The following TIAM1 variants were observed in gnomAD, a reference collection of about 807,000 sequenced individuals.
The protein encoded by TIAM1 is TIAM Rac1 associated GEF 1, also known as rho guanine nucleotide exchange factor TIAM1.
In TIAM1, 65 loss-of-function variants were observed where a neutral mutation model predicts 163.5. The observed-to-expected ratio is 0.40, with a 90% CI of 0.33 to 0.49. The LOEUF is 0.49. TIAM1 is among the 20% of genes least tolerant of loss of function. TIAM1 has a pLI of 0.77. For missense variants in TIAM1, 1,789 were observed against 2,044.7 expected, an observed-to-expected ratio of 0.87 and a Z score of 2.41; for synonymous variants, 833 against 810.1, an observed-to-expected ratio of 1.03 and a Z score of -0.48.
chr21:31,252,756 A>ACGGCTC (rs1442029973), intron 4 of TIAM1, among the ~76,000 whole-genome samples: 2 of 152,230 alleles, frequency 1.3e-5, no homozygotes, highest in Non-Finnish European at 2.9e-5. Flanking sequence ...CTCACCCAGC[A>ACGGCTC]CGGCTCCGTG....
At chr21:31,199,719 T>C (rs572193280) in intron 12 of TIAM1, among the ~76,000 whole-genome samples, 13 of 151,162 alleles carry the variant, frequency 8.6e-5, no homozygotes, top group South Asian at 8.4e-4. Flanking sequence ...TTAGTAGAGA[T>C]GGAGTTTCAG....
intron 19 of TIAM1, among the ~76,000 whole-genome samples, chr21:31,150,494 T>C (rs1055151942): frequency 2.0e-5 from 3 of 152,138 alleles, no homozygotes; most frequent in South Asian, 4.1e-4. Context: ...ACGACAGCCA[T>C]TGCAACAAAC....
chr21:31,435,857 G>A (rs976720128), intron 2 of TIAM1, among the ~76,000 whole-genome samples: 1 of 152,124 alleles, frequency 6.6e-6, no homozygotes, highest in African/African-American at 2.4e-5. Flanking sequence ...GCCCTTTCTT[G>A]TTCTCTCTCA....
At position 31,120,198 on chromosome 21, in the gene TIAM1, T is replaced by A; in HGVS notation, c.*170A>T. On this transcript the variant is annotated 3_prime_UTR_variant, in exon 28 of 28. Transcript: ENST00000541036. The surrounding 1 kb of genome is among the most constrained non-coding windows in gnomAD (Gnocchi z 4.2). ...TTCTGATCAATTCTTTCTGATGTTG[T>A]TGAAAATGACAAAGTTGGGTGGCTA... 1 of 605,140 alleles carries A rather than the reference T, an allele frequency of 1.7e-6. No individual in the cohort carries two copies. Among genetic ancestry groups the A allele is most frequent in the Non-Finnish European group, 2.8e-6 (1 of 351,210 alleles). 37.5% of individuals were successfully genotyped at this position (605,140 alleles called of 1,614,324 possible).
intron 2 of TIAM1, among the ~76,000 whole-genome samples, chr21:31,422,373 C>T (rs75099031): frequency 1.4e-3 from 208 of 152,222 alleles, no homozygotes; most frequent in African/African-American, 4.8e-3. Context: ...TTTTCTTGTT[C>T]CTCTGAGCAG....
Position 31,360,799 on chromosome 21 carries a change from G to T in TIAM1, c.-368-21377C>A, listed in dbSNP as rs2076394482. Among the ~76,000 whole-genome samples, 3 of 152,162 alleles carry T rather than the reference G, an allele frequency of 2.0e-5. No individual in the cohort carries two copies. The South Asian group carries it at 6.2e-4, about 32-fold the overall frequency. ...ATATTCCAATGACCAATAAACCTAT[G>T]AATAGGAGCTTGGCCATGCTGGTTT... On this transcript the variant is annotated intron_variant, in intron 2 of 28. Coordinates refer to the TIAM1 transcript ENST00000286827.
intron 2 of TIAM1, among the ~76,000 whole-genome samples, chr21:31,277,546 G>A (rs1006221718): frequency 6.6e-6 from 1 of 152,214 alleles, no homozygotes; most frequent in Non-Finnish European, 1.5e-5. Flanking sequence ...TCAGGAGGCT[G>A]TGGCGGGAGA....
chr21:31,409,671 C>G (rs2077311671), intron 2 of TIAM1, among the ~76,000 whole-genome samples: 1 of 152,186 alleles, frequency 6.6e-6, no homozygotes, highest in Admixed American at 6.5e-5. Context: ...ATGGCTTGTC[C>G]CCCAAGTTCT....
At chr21:31,557,269 T>C (rs1352246037) in intron 1 of TIAM1, among the ~76,000 whole-genome samples, 1 of 152,154 alleles carries the variant, frequency 6.6e-6, no homozygotes, top group African/African-American at 2.4e-5. Context: ...ATGCCTTTTA[T>C]AATAAAAAGA....
chr21:31,501,919 C>G (rs1396883245), intron 1 of TIAM1, among the ~76,000 whole-genome samples: 5 of 151,980 alleles, frequency 3.3e-5, no homozygotes, highest in Non-Finnish European at 7.4e-5. Context: ...GTGGTTTTTA[C>G]CAACAACAAA....
intron 2 of TIAM1, among the ~76,000 whole-genome samples, chr21:31,431,284 C>T (rs1234273376): frequency 6.6e-6 from 1 of 152,078 alleles, no homozygotes; most frequent in Non-Finnish European, 1.5e-5. Context: ...CCAGACTGTA[C>T]TGAATGTGTC....
intron 2 of TIAM1, among the ~76,000 whole-genome samples, chr21:31,454,085 C>CT (rs1207192115): frequency 1.3e-5 from 2 of 152,214 alleles, no homozygotes; most frequent in Non-Finnish European, 2.9e-5. Context: ...AGCTGCTGTA[C>CT]TTTTATCCAG....
chr21:31,384,093 C>T (rs2076825276), intron 2 of TIAM1, among the ~76,000 whole-genome samples: 1 of 152,090 alleles, frequency 6.6e-6, no homozygotes, highest in South Asian at 2.1e-4. Flanking sequence ...TCTTGTAACG[C>T]ACTCTGGGGC....
intron 9 of TIAM1, 128 bp downstream of exon 9, chr21:31,217,425 G>T: frequency 7.7e-7 from 1 of 1,306,838 alleles, no homozygotes; most frequent in Non-Finnish European, 1.1e-6. Context: ...AGCACAGCTA[G>T]TTTCTTTGTG....
intron 1 of TIAM1, among the ~76,000 whole-genome samples, chr21:31,495,923 G>C (rs2046624364): frequency 6.6e-6 from 1 of 151,878 alleles, no homozygotes; most frequent in African/African-American, 2.4e-5. Context: ...AGTGAGCCGA[G>C]ATCGCTCCAC....
chr21:31,153,165 ATG>A lies in TIAM1; in HGVS notation c.3172-33_3172-32del. On this transcript the variant is annotated intron_variant, in intron 17 of 27. Coordinates refer to ENST00000541036, the MANE Select transcript of TIAM1 (RefSeq NM_001353694.2). Reference sequence around the variant, plus strand: ...AATTGAAAAGAGAACTCATTAGCTTATGTGTTTTATTTTTTATATACCCTAGA... The same window carrying A: ...AATTGAAAAGAGAACTCATTAGCTTATGTTTTATTTTTTATATACCCTAGA... 4 of 1,566,184 alleles carry A rather than the reference ATG, an allele frequency of 2.6e-6. No individual in the cohort carries two copies. The South Asian group carries it at 4.6e-5, about 18-fold the overall frequency.
chr21:31,126,280 T>C (rs2082194213), intron 26 of TIAM1, among the ~76,000 whole-genome samples: 1 of 90,072 alleles, frequency 1.1e-5, no homozygotes, highest in African/African-American at 4.8e-5. Flanking sequence ...TACGATTAAA[T>C]TAAAGTTAGC....
chr21:31,544,142 G>A (rs1266529860), intron 1 of TIAM1, among the ~76,000 whole-genome samples: 2 of 150,756 alleles, frequency 1.3e-5, no homozygotes, highest in East Asian at 2.0e-4. Flanking sequence ...CCTGGGAGGC[G>A]GAGGTTGCAG....
chr21:31,194,698 G>T (rs576397390), intron 13 of TIAM1, among the ~76,000 whole-genome samples: 1 of 152,094 alleles, frequency 6.6e-6, no homozygotes, highest in Non-Finnish European at 1.5e-5. Context: ...ATGAGATTCC[G>T]GTCTACCTGA....
Sources: gnomAD v4.1 joint callset for allele counts (sites outside exome capture counted in the v4.1 genomes callset) on GRCh38, gnomAD v4.1.1 for gene constraint, Gnocchi (gnomAD v3.1) non-coding constraint, MANE v1.5 for transcripts, NCBI Gene and HGNC (gene_info 2026-07-23, HGNC 2026-07-21) for gene names.